Variants in HEATR5B observed in about 807,000 individuals in gnomAD.
HEATR5B encodes HEAT repeat containing 5B, also known as HEAT repeat-containing protein 5B.
HEATR5B carries 156 observed loss-of-function variants against 224.1 expected under a neutral mutation model. The observed-to-expected ratio is 0.70, with a 90% CI of 0.61 to 0.80. The LOEUF is 0.80. HEATR5B is among the 30% of genes least tolerant of loss of function. The pLI is 0.00. For synonymous variants in HEATR5B, 1,027 were observed against 893.0 expected (o/e 1.15, Z -2.68); for missense variants, 2,323 against 2,535.5 (o/e 0.92, Z 1.80).
At position 37,075,551 on chromosome 2, in the gene HEATR5B, A is replaced by C; in HGVS notation, c.531T>G (p.Asp177Glu). 1 of 1,614,092 alleles carries C rather than the reference A, an allele frequency of 6.2e-7. No homozygotes were observed. The highest frequency in any genetic ancestry group is 8.5e-7 in the Non-Finnish European group (1 of 1,179,936). ...AGAGAGACCTGGCATTCTTGTAAAT[A>C]TCACGATGGGAGGAAGCTGCTGCAC... ...LGGAAASSHR[D>E]IYKNARSLLT... is the part of the protein sequence containing the mutation. Residue 177 changes from aspartate to glutamate, a missense_variant, in exon 5 of 36, where the codon GAT (aspartate) becomes GAG (glutamate). Transcript: ENST00000233099.
At chr2:37,012,561 T>C (rs1667852343) in intron 27 of HEATR5B, among the ~76,000 whole-genome samples, 1 of 152,112 alleles carries the variant, frequency 6.6e-6, no homozygotes, top group Admixed American at 6.5e-5. Context: ...AGGGTAATTT[T>C]GTATTTTTAG....
chr2:37,057,427 TGTCA>T lies in HEATR5B; in HGVS notation c.2109_2112del (p.Asp704ThrfsTer86). ...AGGGAAGTAGTTGTGTTGGCTGAGTTGTCAGTCAAAGTGAATTCCGCTACCAGTT... is the reference window on the plus strand; with the variant it reads ...AGGGAAGTAGTTGTGTTGGCTGAGTTGTCAAAGTGAATTCCGCTACCAGTT... On this transcript the variant is annotated frameshift_variant, in exon 15 of 36. Coordinates refer to ENST00000233099, the MANE Select transcript of HEATR5B (RefSeq NM_019024.3). LOFTEE classifies it high-confidence loss of function. 2 of 1,611,180 alleles carry T rather than the reference TGTCA, an allele frequency of 1.2e-6. No homozygotes were observed. Among genetic ancestry groups the T allele is most frequent in the Non-Finnish European group, 1.7e-6 (2 of 1,178,626 alleles).
At position 37,064,867 on chromosome 2, in the gene HEATR5B, C is replaced by G. The variant is rs964740615; in HGVS notation, c.1457G>C (p.Arg486Thr). Residue 486 changes from arginine to threonine, a missense_variant, in exon 10 of 36, where the codon AGG (arginine) becomes ACG (threonine). Around this residue, in one of 12 missense-constraint regions of HEATR5B, gnomAD observed 502 missense variants for 517.8 expected, o/e 0.97. Coordinates refer to ENST00000233099, the MANE Select transcript of HEATR5B (RefSeq NM_019024.3). ...CAAGTTGTTGAGCCGTTCTGCACAC[C>G]TGTCTAGAAATGGTGTCAGCTGGAA... ...LPFQLTPFLD[R>T]CAERLNNLKT... is the part of the protein sequence containing the mutation. 1 of 1,614,104 alleles carries G rather than the reference C, an allele frequency of 6.2e-7. No individual in the cohort carries two copies. Among genetic ancestry groups the G allele is most frequent in the Non-Finnish European group, 8.5e-7 (1 of 1,180,010 alleles).
intron 7 of HEATR5B, among the ~76,000 whole-genome samples, chr2:37,069,533 C>A (rs1250441932): frequency 1.3e-5 from 2 of 152,114 alleles, no homozygotes; most frequent in East Asian, 3.8e-4. Context: ...GATAGAAAAT[C>A]CAATCAAAGC....
Position 37,011,854 on chromosome 2 carries a change from C to T in HEATR5B, c.4284+1987G>A, listed in dbSNP as rs59082952. Among the ~76,000 whole-genome samples the T allele has an allele frequency of 4.9e-4, 75 of 152,174 alleles. No individual in the cohort carries two copies. The East Asian group carries it at 0.01, about 21-fold the overall frequency. Reference sequence around the variant, plus strand: ...CATTTTTGTAAACTTACCTCTTTTCCATATTTTGGATATTTTTCACTAGAC... The same window carrying T: ...CATTTTTGTAAACTTACCTCTTTTCTATATTTTGGATATTTTTCACTAGAC... On this transcript the variant is annotated intron_variant, in intron 27 of 35. Coordinates refer to ENST00000233099, the MANE Select transcript of HEATR5B (RefSeq NM_019024.3).
chr2:37,080,039 T>C (rs1031956528), intron 2 of HEATR5B, among the ~76,000 whole-genome samples: 1 of 152,176 alleles, frequency 6.6e-6, no homozygotes, highest in Non-Finnish European at 1.5e-5. Flanking sequence ...GGGTGAGCCA[T>C]GCAGATACCC....
intron 21 of HEATR5B, among the ~76,000 whole-genome samples, chr2:37,036,135 ACTCT>A (rs150962064): frequency 0.028 from 4,204 of 152,202 alleles, 178 homozygotes; most frequent in African/African-American, 0.096. Context: ...TGTAGAGTCC[ACTCT>A]CTATCATGCA....
chr2:36,991,902 T>A (rs1666356511), intron 33 of HEATR5B, among the ~76,000 whole-genome samples: 1 of 152,118 alleles, frequency 6.6e-6, no homozygotes, highest in Non-Finnish European at 1.5e-5. Context: ...CTAGAAAAAG[T>A]CCATTAACTT....
Position 37,083,313 on chromosome 2 carries a change from A to G in HEATR5B, c.102T>C (p.Asp34=), listed in dbSNP as rs1407569180. ...VFIFEWLRFL[D]KVLVAANKTD... ...CCTTGTTGGCAGCAACCAAGACTTT[A>G]TCAAGAAATCGCAACCATTCAAAGA... Residue 34 remains aspartate, a synonymous_variant, in exon 2 of 36, where the codon GAT becomes GAC. Coordinates refer to ENST00000233099, the MANE Select transcript of HEATR5B (RefSeq NM_019024.3). 1 of 1,614,162 alleles carries G rather than the reference A, an allele frequency of 6.2e-7. No homozygotes were observed. The highest frequency in any genetic ancestry group is 2.2e-5 in the East Asian group (1 of 44,858).
At chr2:37,038,747 C>T (rs1669674352) in intron 20 of HEATR5B, among the ~76,000 whole-genome samples, 1 of 150,418 alleles carries the variant, frequency 6.6e-6, no homozygotes, top group African/African-American at 2.4e-5. Context: ...GAGTTCGAGA[C>T]CAGCCTGGCC....
At position 36,990,764 on chromosome 2, in the gene HEATR5B, G is replaced by T; in HGVS notation, c.5581C>A (p.Leu1861Ile). The change falls in exon 34 of 36, where the codon CTA becomes ATA. Residue 1861 changes from leucine (L) to isoleucine (I), a missense_variant. Leu to Ile is a conservative substitution (Grantham distance 5). Transcript: ENST00000233099. Reference sequence around the variant, plus strand: ...CACAGGAAGAGTGCAATTGCTGTTAGCATGCTTACTTCATCAGGTGTAGGT... The same window carrying T: ...CACAGGAAGAGTGCAATTGCTGTTATCATGCTTACTTCATCAGGTGTAGGT... ...SVPTPDEVSM[L>I]TAIALFLWSA... The T allele has an allele frequency of 6.2e-7, 1 of 1,610,158 alleles. No individual in the cohort carries two copies. The highest frequency in any genetic ancestry group is 1.1e-5 in the South Asian group (1 of 90,522).
At chr2:37,001,048 T>C (rs1667057600) in intron 32 of HEATR5B, among the ~76,000 whole-genome samples, 1 of 152,228 alleles carries the variant, frequency 6.6e-6, no homozygotes, top group African/African-American at 2.4e-5. Context: ...CCAGCTAGCC[T>C]TATTTTTATT....
intron 26 of HEATR5B, among the ~76,000 whole-genome samples, chr2:37,014,618 T>C (rs1667998475): frequency 6.6e-6 from 1 of 151,912 alleles, no homozygotes; most frequent in Non-Finnish European, 1.5e-5. Context: ...TGAATAATTC[T>C]TCAACAAAAT....
At chr2:37,041,338 A>G in intron 18 of HEATR5B, 46 bp from the exon 19 acceptor site, 1 of 1,579,324 alleles carries the variant, frequency 6.3e-7, no homozygotes, top group Admixed American at 1.7e-5. Context: ...CTATTTCCCT[A>G]TAAAAACAAC....
At chr2:37,027,586 T>C (rs191385983) in intron 24 of HEATR5B, among the ~76,000 whole-genome samples, 1 of 152,318 alleles carries the variant, frequency 6.6e-6, no homozygotes, top group African/African-American at 2.4e-5. Flanking sequence ...CTTAAAATTT[T>C]ACCATTTCCT....
chr2:37,018,227 A>G (rs1010448208), intron 26 of HEATR5B, among the ~76,000 whole-genome samples: 2 of 152,188 alleles, frequency 1.3e-5, no homozygotes, highest in African/African-American at 4.8e-5. Flanking sequence ...CACAAAAGAA[A>G]TAAGTTTAAG....
At chr2:37,017,671 G>T (rs927439637) in intron 26 of HEATR5B, among the ~76,000 whole-genome samples, 4 of 68,408 alleles carry the variant, frequency 5.8e-5, no homozygotes, top group Non-Finnish European at 2.7e-5. Flanking sequence ...TGGGCAACAA[G>T]AGCAAAATTC....
At chr2:37,082,359 C>T (rs1266549762) in intron 2 of HEATR5B, among the ~76,000 whole-genome samples, 2 of 151,978 alleles carry the variant, frequency 1.3e-5, no homozygotes, top group Non-Finnish European at 2.9e-5. Context: ...GGATTACAGG[C>T]GTGAACCACC....
chr2:37,014,789 C>T (rs1174628032), intron 26 of HEATR5B, among the ~76,000 whole-genome samples: 4 of 151,274 alleles, frequency 2.6e-5, no homozygotes, highest in Admixed American at 2.6e-4. Context: ...CCATCCTGAC[C>T]AACATGGTGA....
Sources: allele counts gnomAD v4.1 joint callset (sites outside exome capture counted in the v4.1 genomes callset), GRCh38; gene constraint gnomAD v4.1.1; regional missense constraint gnomAD v4.1.1; transcripts MANE v1.5; gene names NCBI Gene and HGNC (gene_info 2026-07-23, HGNC 2026-07-21).